UGGT1: variants seen among roughly 807,000 people sequenced by gnomAD.
The protein encoded by UGGT1 is UDP-glucose:glycoprotein glucosyltransferase 1.
UGGT1 carries 107 observed loss-of-function variants against 203.9 expected under a neutral mutation model. The ratio of observed to expected loss-of-function variants is 0.52; its 90% CI spans 0.45 to 0.62. UGGT1 has a LOEUF of 0.62. Among genes scored for constraint, UGGT1 ranks in the 20% least tolerant of loss-of-function variants. UGGT1 has a pLI of 0.00. For synonymous variants in UGGT1, 628 were observed against 653.5 expected (o/e 0.96, Z 0.59); for missense variants, 1,673 against 1,867.2 (o/e 0.90, Z 1.92).
rs1249313507 is a variant in UGGT1 at position 128,105,672 on chromosome 2, G to A, written c.277+1658G>A. Among the ~76,000 whole-genome samples the A allele has an allele frequency of 9.2e-5, 14 of 151,854 alleles. No homozygotes were observed. In the East Asian group the frequency reaches 1.4e-3, roughly 15 times the overall value. ...TGGGATTACAGGTGCCCACCATCGC[G>A]CCCAGCTAATTTTTGTAGTTTTAGC... is the stretch of plus-strand genomic sequence containing the variant. On this transcript the variant is annotated intron_variant, in intron 3 of 40. Coordinates refer to ENST00000259253, the MANE Select transcript of UGGT1 (RefSeq NM_020120.4).
At chr2:128,181,574 C>T (rs112502399) in intron 36 of UGGT1, among the ~76,000 whole-genome samples, 22 of 152,308 alleles carry the variant, frequency 1.4e-4, no homozygotes, top group African/African-American at 5.1e-4. Context: ...CACAGCCTTC[C>T]ACTTCAGCCC....
intron 40 of UGGT1, among the ~76,000 whole-genome samples, chr2:128,188,762 C>T (rs544605667): frequency 5.3e-5 from 8 of 152,296 alleles, no homozygotes; most frequent in African/African-American, 1.2e-4. Context: ...TGAGCGACTG[C>T]ACTCCAGCCT....
chr2:128,139,056 G>GT (rs1689282804), intron 16 of UGGT1, among the ~76,000 whole-genome samples: 1 of 152,196 alleles, frequency 6.6e-6, no homozygotes, highest in African/African-American at 2.4e-5. Context: ...TTGATGAGCT[G>GT]TTGCAGTGAT....
At chr2:128,142,361 G>A (rs1054794749) in intron 16 of UGGT1, among the ~76,000 whole-genome samples, 1 of 151,252 alleles carries the variant, frequency 6.6e-6, no homozygotes, top group African/African-American at 2.4e-5. Flanking sequence ...CGAGGCGGGC[G>A]AATCACGAGG....
chr2:128,171,084 A>T lies in UGGT1; in HGVS notation c.3025-121A>T. 8.0e-6 allele frequency: 7 copies of T among 876,688 alleles called. No individual in the cohort carries two copies. In the South Asian group the frequency reaches 1.3e-4, roughly 16 times the overall value. 54.3% of individuals were successfully genotyped at this position (876,688 alleles called of 1,614,324 possible). ...AGTTGTGATTTCCAGAAGTTTCGCC[A>T]GTGCAGACTCTGTGGCTGTTATCTT... On this transcript the variant is annotated intron_variant, in intron 27 of 40. Coordinates refer to ENST00000259253, the MANE Select transcript of UGGT1 (RefSeq NM_020120.4).
intron 22 of UGGT1, among the ~76,000 whole-genome samples, chr2:128,157,622 C>CA (rs1411801525): frequency 6.6e-6 from 1 of 152,170 alleles, no homozygotes; most frequent in African/African-American, 2.4e-5. Flanking sequence ...CATACCTGTT[C>CA]ATGTTCTTGG....
chr2:128,100,945 A>G (rs537273866), intron 2 of UGGT1, among the ~76,000 whole-genome samples: 2 of 152,248 alleles, frequency 1.3e-5, no homozygotes, highest in East Asian at 1.9e-4. Context: ...TTCTTCACCA[A>G]CTTCCTTATC....
intron 11 of UGGT1, among the ~76,000 whole-genome samples, chr2:128,125,732 A>G (rs1688567769): frequency 6.6e-6 from 1 of 150,916 alleles, no homozygotes. Context: ...CATCTGAGGG[A>G]TAAATAAATG....
chr2:128,097,396 G>T (rs1480857345), intron 1 of UGGT1, 33 bp from the exon 2 acceptor site: 16 of 1,578,634 alleles, frequency 1.0e-5, no homozygotes, highest in Admixed American at 7.9e-5. Context: ...AAATTTCCTT[G>T]TAGCAAAACT....
In UGGT1 at chr2:128,120,398, A is replaced by G; in HGVS notation, c.915A>G (p.Arg305=). Residue 305 remains arginine (R), a synonymous_variant, in exon 9 of 41, where the codon AGA becomes AGG. Coordinates refer to ENST00000259253, the MANE Select transcript of UGGT1 (RefSeq NM_020120.4). ...PDLEGQLKEL[R]KHLVESTNEM... ...TGGAGGGACAGTTGAAAGAACTCAG[A>G]AAGCATCTTGTAGAGAGCACCAATG... The G allele has an allele frequency of 6.2e-7, 1 of 1,614,138 alleles. No individual in the cohort carries two copies. The highest frequency in any genetic ancestry group is 1.7e-5 in the Admixed American group (1 of 60,024).
chr2:128,145,487 T>C (rs1558791245), intron 17 of UGGT1, among the ~76,000 whole-genome samples: 1 of 114,614 alleles, frequency 8.7e-6, no homozygotes, highest in East Asian at 2.4e-4. Context: ...CAGCCTGTGC[T>C]ACACACACAC....
In UGGT1 at chr2:128,192,009, A is replaced by G. The variant is rs1427744371; in HGVS notation, c.*2267A>G. The G allele has an allele frequency of 6.6e-6, 1 of 152,266 alleles. No individual in the cohort carries two copies. Among genetic ancestry groups the G allele is most frequent in the African/African-American group, 2.4e-5 (1 of 41,462 alleles). 9.4% of individuals were successfully genotyped at this position (152,266 alleles called of 1,614,324 possible). A position where few individuals can be genotyped will look rare whatever the true frequency, so the allele number is the denominator to read the frequency against. ...CAGGAGGTTGCATAGCAAATACTCA[A>G]GTCACTGGGATATATGCTTTCCAAA... On this transcript the variant is annotated 3_prime_UTR_variant, in exon 41 of 41. Transcript: ENST00000259253.
Position 128,194,614 on chromosome 2 carries a change from TG to T in UGGT1, c.*4875del, listed in dbSNP as rs1326298804. The T allele has an allele frequency of 6.6e-6, 1 of 152,222 alleles. No homozygotes were observed. The highest frequency in any genetic ancestry group is 1.5e-5 in the Non-Finnish European group (1 of 68,042). 9.4% of individuals were successfully genotyped at this position (152,222 alleles called of 1,614,324 possible). A position where few individuals can be genotyped will look rare whatever the true frequency, so the allele number is the denominator to read the frequency against. On this transcript the variant is annotated 3_prime_UTR_variant, in exon 41 of 41. Transcript: ENST00000259253. ...TTAGTTTTTTAAGTACTTGATTTTATGGGCACATTTTTGTGGGATGATTGGA... is the reference window on the plus strand; with the variant it reads ...TTAGTTTTTTAAGTACTTGATTTTATGGCACATTTTTGTGGGATGATTGGA...
In UGGT1 at chr2:128,159,583, C is replaced by G; in HGVS notation, c.2425C>G (p.Gln809Glu). The G allele has an allele frequency of 6.2e-7, 1 of 1,614,198 alleles. No individual in the cohort carries two copies. Among genetic ancestry groups the G allele is most frequent in the Non-Finnish European group, 8.5e-7 (1 of 1,180,022 alleles). Residue 809 changes from glutamine to glutamate, a missense_variant, in exon 23 of 41, where the codon CAG becomes GAG. Coordinates refer to ENST00000259253, the MANE Select transcript of UGGT1 (RefSeq NM_020120.4). ...CAAAGAGATAAGCTATGAGAACACT[C>G]AGATCTCCAGAGCAATCTGGGCAGC... ...PAKEISYENT[Q>E]ISRAIWAALQ...
chr2:128,143,275 T>G, intron 17 of UGGT1, 50 bp downstream of exon 17: 1 of 1,550,100 alleles, frequency 6.5e-7, no homozygotes. Context: ...TGTACTGTCC[T>G]TAACCCCGTG....
At chr2:128,118,388 C>G (rs4283358) in intron 8 of UGGT1, among the ~76,000 whole-genome samples, 136,950 of 152,132 alleles carry the variant, frequency 0.9, 62,426 homozygotes, top group Non-Finnish European at 0.98. Context: ...ACCTCACCCT[C>G]TCGAATAGCT....
intron 1 of UGGT1, among the ~76,000 whole-genome samples, chr2:128,095,372 T>TCTTCCC (rs1298053806): frequency 6.7e-6 from 1 of 149,476 alleles, no homozygotes; most frequent in African/African-American, 2.5e-5. Context: ...TTCTTCTTCC[T>TCTTCCC]CTTCCCCTTC....
rs1692315312 is a variant in UGGT1, at chr2:128,192,495, A to AT, written c.*2755dup. The AT allele has an allele frequency of 6.6e-6, 1 of 152,228 alleles. No individual in the cohort carries two copies. The highest frequency in any genetic ancestry group is 2.4e-5 in the African/African-American group (1 of 41,458). 9.4% of individuals were successfully genotyped at this position (152,228 alleles called of 1,614,324 possible). A position where few individuals can be genotyped will look rare whatever the true frequency, so the allele number is the denominator to read the frequency against. ...CTTAGCTGTTATTTATATAAAGTGA[A>AT]TTATTTTCTCTCTCAATCATGCCAT... On this transcript the variant is annotated 3_prime_UTR_variant, in exon 41 of 41. Coordinates refer to ENST00000259253, the MANE Select transcript of UGGT1 (RefSeq NM_020120.4).
chr2:128,144,519 A>C (rs992343697), intron 17 of UGGT1, among the ~76,000 whole-genome samples: 2 of 152,226 alleles, frequency 1.3e-5, no homozygotes, highest in African/African-American at 4.8e-5. Flanking sequence ...GTTGACAGGG[A>C]TGATTTTCAA....
Sources: allele counts gnomAD v4.1 joint callset (sites outside exome capture counted in the v4.1 genomes callset), GRCh38; gene constraint gnomAD v4.1.1; transcripts MANE v1.5; gene names NCBI Gene and HGNC (gene_info 2026-07-23, HGNC 2026-07-21).